NAP1L4: variants seen among roughly 807,000 people sequenced by gnomAD.
NAP1L4 encodes the protein nucleosome assembly protein 1 like 4.
In NAP1L4, 15 loss-of-function variants were observed where a neutral mutation model predicts 58.2. The ratio of observed to expected loss-of-function variants is 0.26; its 90% confidence interval spans 0.17 to 0.40. NAP1L4 has a LOEUF of 0.40. NAP1L4 is among the 10% of genes least tolerant of loss of function. NAP1L4 has a pLI of 1.00. For missense variants in NAP1L4, 384 were observed against 451.1 expected, an observed-to-expected ratio of 0.85 and a Z score of 1.35; for synonymous variants, 171 against 155.6, an observed-to-expected ratio of 1.10 and a Z score of -0.74.
intron 7 of NAP1L4, among the ~76,000 whole-genome samples, chr11:2,967,518 G>T (rs901136037): frequency 5.9e-5 from 9 of 151,682 alleles, no homozygotes; most frequent in African/African-American, 1.9e-4. Context: ...GGCTGAGGCA[G>T]GAGAATGGCG....
intron 8 of NAP1L4, among the ~76,000 whole-genome samples, chr11:2,963,149 GAAAAAAGAAAGGAA>G (rs1368079342): frequency 2.4e-5 from 3 of 125,488 alleles, no homozygotes; most frequent in Non-Finnish European, 5.2e-5. Flanking sequence ...AAGAAAAGGA[GAAAAAAGAAAGGAA>G]AAAAAAAGGA....
At chr11:2,981,369 G>C (rs530554081) in intron 1 of NAP1L4, among the ~76,000 whole-genome samples, 101 of 129,460 alleles carry the variant, frequency 7.8e-4, no homozygotes, top group African/African-American at 2.7e-3. Flanking sequence ...AGTGACCTAT[G>C]ACTGCGCCAC....
intron 1 of NAP1L4, chr11:2,990,997 T>C (rs773857146): frequency 9.6e-6 from 4 of 417,974 alleles, no homozygotes; most frequent in South Asian, 1.6e-5. Flanking sequence ...GTAAACCTAA[T>C]GCAGGAGGAT....
intron 14 of NAP1L4, among the ~76,000 whole-genome samples, chr11:2,950,546 G>C (rs899233603): frequency 1.3e-5 from 2 of 152,198 alleles, no homozygotes; most frequent in African/African-American, 4.8e-5. Flanking sequence ...TTAATTTTAA[G>C]AGGCAAGTGA....
At chr11:2,991,480 G>A (rs930491830) in intron 1 of NAP1L4, 3 of 191,260 alleles carry the variant, frequency 1.6e-5, no homozygotes, top group Non-Finnish European at 3.4e-5. Context: ...TGTGAAAGAC[G>A]GTTTTAAATA....
rs1288131449 is a variant in NAP1L4 at position 2,949,387 on chromosome 11, G to A, written c.1123-123C>T. On this transcript the variant is annotated intron_variant, in intron 14 of 15. Transcript: ENST00000380542. The surrounding 1 kb of genome is among the most constrained non-coding windows in gnomAD (Gnocchi z 4.0). ...AAAAGGGCTGCAAGATACTGAACTC[G>A]GGGTGAACAACTTCAACACTAGATC... The A allele has an allele frequency of 3.8e-6, 3 of 783,386 alleles. No individual in the cohort carries two copies. The highest frequency in any genetic ancestry group is 2.3e-4 in the Middle Eastern group (1 of 4,394). The allele number at this position is 783,386 out of a possible 1,614,324, so 48.5% of individuals were successfully genotyped here.
chr11:2,963,412 G>A (rs1847065010), intron 8 of NAP1L4, among the ~76,000 whole-genome samples: 1 of 152,150 alleles, frequency 6.6e-6, no homozygotes, highest in South Asian at 2.1e-4. Flanking sequence ...AACCCACATG[G>A]GGCAAGGAAG....
chr11:2,958,189 A>T (rs1303489608), intron 10 of NAP1L4: 1 of 696,690 alleles, frequency 1.4e-6, no homozygotes, highest in Admixed American at 2.0e-5. Context: ...AGAAGATGAC[A>T]ATCCTACTCT....
chr11:2,975,945 G>A (rs932033025), intron 4 of NAP1L4, 79 bp downstream of exon 4: 82 of 1,226,718 alleles, frequency 6.7e-5, no homozygotes, highest in Non-Finnish European at 9.3e-5. Context: ...TCCTGTTCTG[G>A]GGAACTGAAA....
At position 2,948,062 on chromosome 11, in the gene NAP1L4, C is replaced by T. The variant is rs1401365598; in HGVS notation, c.*32+1165G>A. On this transcript the variant is annotated intron_variant, in intron 15 of 15. Transcript: ENST00000380542. This position sits in a 1 kb window ranked among gnomAD's most constrained non-coding sequence, Gnocchi z 5.1. ...AGAGCTGGTGGCATGGGAGGGGTGG[C>T]GTGGGAGAGTGGGTGAGGGTACAGG... is the stretch of plus-strand genomic sequence containing the variant. Among the ~76,000 whole-genome samples the T allele has an allele frequency of 4.6e-3, 1 of 218 alleles. No individual in the cohort carries two copies. Among genetic ancestry groups the T allele is most frequent in the Non-Finnish European group, 0.011 (1 of 94 alleles). 0.1% of individuals were successfully genotyped at this position (218 alleles called of 152,430 possible).
At chr11:2,974,352 C>T (rs1847828719) in intron 4 of NAP1L4, among the ~76,000 whole-genome samples, 1 of 152,182 alleles carries the variant, frequency 6.6e-6, no homozygotes, top group South Asian at 2.1e-4. Context: ...TGCAATATGG[C>T]TAATATGGAA....
Position 2,949,265 on chromosome 11 carries a change from C to G in NAP1L4, c.1123-1G>C. 6.3e-7 allele frequency: 1 copy of G among 1,597,722 alleles called. No individual in the cohort carries two copies. Among genetic ancestry groups the G allele is most frequent in the South Asian group, 1.1e-5 (1 of 90,702 alleles). Reference sequence around the variant, plus strand: ...AATGATTAACAGACAAAAATTACACCTAAATGGGGAAAAAAATTGAAAGGA... The same window carrying G: ...AATGATTAACAGACAAAAATTACACGTAAATGGGGAAAAAAATTGAAAGGA... On this transcript the variant is annotated splice_acceptor_variant, in intron 14 of 15. Coordinates refer to ENST00000380542, the MANE Select transcript of NAP1L4 (RefSeq NM_005969.4). LOFTEE classifies it high-confidence loss of function. The surrounding 1 kb of genome is among the most constrained non-coding windows in gnomAD (Gnocchi z 4.0).
At chr11:2,964,952 C>T (rs1241133078) in intron 7 of NAP1L4, among the ~76,000 whole-genome samples, 1 of 152,194 alleles carries the variant, frequency 6.6e-6, no homozygotes, top group Non-Finnish European at 1.5e-5. Flanking sequence ...ACCAAGGTGT[C>T]CCCTTTCCCT....
chr11:2,990,766 T>C (rs937738246), intron 1 of NAP1L4: 21 of 177,942 alleles, frequency 1.2e-4, no homozygotes, highest in Non-Finnish European at 2.5e-5. Context: ...GGAAAAACAA[T>C]AGCATCTATC....
chr11:2,975,454 C>A (rs1293064796), intron 4 of NAP1L4, among the ~76,000 whole-genome samples: 1 of 152,034 alleles, frequency 6.6e-6, no homozygotes, highest in Admixed American at 6.6e-5. Context: ...AGGTGTCAGC[C>A]AGGCACGGTA....
At chr11:2,973,726 G>C (rs1847781873) in intron 4 of NAP1L4, among the ~76,000 whole-genome samples, 1 of 152,152 alleles carries the variant, frequency 6.6e-6, no homozygotes, top group African/African-American at 2.4e-5. Context: ...TAACAAAATG[G>C]TAGACTCCCA....
rs1044155870 is a variant in NAP1L4, at chr11:2,944,724, G to C, written c.*955C>G. ...GGACTTGACGCTCATACGCTCCACTGAAACGCAGGACTTCCCAGCCCAGTC... is the reference window on the plus strand; with the variant it reads ...GGACTTGACGCTCATACGCTCCACTCAAACGCAGGACTTCCCAGCCCAGTC... On this transcript the variant is annotated 3_prime_UTR_variant, in exon 16 of 16. Transcript: ENST00000380542. The C allele has an allele frequency of 3.9e-5, 6 of 152,238 alleles. No homozygotes were observed. Among genetic ancestry groups the C allele is most frequent in the African/African-American group, 1.4e-4 (6 of 41,448 alleles). The allele number at this position is 152,238 out of a possible 1,614,324, so 9.4% of individuals were successfully genotyped here. A position where few individuals can be genotyped will look rare whatever the true frequency, so the allele number is the denominator to read the frequency against.
intron 7 of NAP1L4, among the ~76,000 whole-genome samples, chr11:2,967,613 A>T (rs1274530454): frequency 6.6e-6 from 1 of 150,862 alleles, no homozygotes; most frequent in Non-Finnish European, 1.5e-5. Flanking sequence ...TCCGTTAAAA[A>T]AAAAAAAAAA....
chr11:2,950,382 A>T (rs1320824336), intron 14 of NAP1L4, among the ~76,000 whole-genome samples: 3 of 152,224 alleles, frequency 2.0e-5, no homozygotes, highest in Admixed American at 6.5e-5. Context: ...AGCCAGTTTA[A>T]ACCAACTGAT....
Sources: gnomAD v4.1 joint callset for allele counts (sites outside exome capture counted in the v4.1 genomes callset) on GRCh38, gnomAD v4.1.1 for gene constraint, Gnocchi (gnomAD v3.1) non-coding constraint, MANE v1.5 for transcripts, NCBI Gene and HGNC (gene_info 2026-07-23, HGNC 2026-07-21) for gene names.